NTM: variants seen among roughly 807,000 people sequenced by gnomAD.
The protein encoded by NTM is IgLON family member 2.
A neutral mutation model predicts 42.1 loss-of-function variants in NTM; 13 were observed. The ratio of observed to expected loss-of-function variants is 0.31; its 90% CI spans 0.20 to 0.49. NTM has a LOEUF of 0.49. NTM is among the 20% of genes least tolerant of loss of function. NTM has a pLI of 0.99. For missense variants in NTM, 373 were observed against 452.8 expected, an observed-to-expected ratio of 0.82 and a Z score of 1.60; for synonymous variants, 187 against 179.2, an observed-to-expected ratio of 1.04 and a Z score of -0.35.
intron 1 of NTM, among the ~76,000 whole-genome samples, chr11:131,726,445 C>G (rs1465878684): frequency 6.6e-6 from 1 of 151,220 alleles, no homozygotes; most frequent in Admixed American, 6.6e-5. Flanking sequence ...AGACACCAGC[C>G]CTTTACTCTA....
intron 1 of NTM, among the ~76,000 whole-genome samples, chr11:131,859,092 A>G (rs981720973): frequency 1.3e-5 from 2 of 151,954 alleles, no homozygotes; most frequent in Admixed American, 6.6e-5. Flanking sequence ...CCATCCATCC[A>G]TCCGTCCATC....
At chr11:131,690,681 G>A (rs1034808876) in intron 1 of NTM, among the ~76,000 whole-genome samples, 2 of 152,234 alleles carry the variant, frequency 1.3e-5, no homozygotes, top group African/African-American at 4.8e-5. Flanking sequence ...ATGGCTGGAA[G>A]CAGTGAGAAG....
intron 1 of NTM, among the ~76,000 whole-genome samples, chr11:131,479,657 A>G (rs1253172075): frequency 6.6e-6 from 1 of 152,216 alleles, no homozygotes; most frequent in East Asian, 1.9e-4. Flanking sequence ...TCTGTGGACC[A>G]AATAGAGAAC....
intron 1 of NTM, among the ~76,000 whole-genome samples, chr11:131,474,316 T>C (rs1365265121): frequency 1.3e-5 from 2 of 152,166 alleles, no homozygotes; most frequent in African/African-American, 4.8e-5. Flanking sequence ...TTCCCAGTTT[T>C]CCTCTTACAG....
At chr11:131,719,057 G>A (rs2078042036) in intron 1 of NTM, among the ~76,000 whole-genome samples, 1 of 152,010 alleles carries the variant, frequency 6.6e-6, no homozygotes, top group South Asian at 2.1e-4. Flanking sequence ...CTACAGGCAC[G>A]TGCCACCACA....
At chr11:131,791,358 T>C (rs2090908743) in intron 1 of NTM, among the ~76,000 whole-genome samples, 3 of 152,252 alleles carry the variant, frequency 2.0e-5, no homozygotes, top group African/African-American at 7.2e-5. Flanking sequence ...ACAGTATCAT[T>C]TTTGCTTGCT....
intron 3 of NTM, among the ~76,000 whole-genome samples, chr11:132,210,154 A>C (rs2082613840): frequency 6.6e-6 from 1 of 152,204 alleles, no homozygotes; most frequent in Admixed American, 6.5e-5. Context: ...GCCCGATCAC[A>C]TTGTAAGCCA....
chr11:131,591,398 T>C (rs2512874), intron 1 of NTM, among the ~76,000 whole-genome samples: 22,330 of 152,190 alleles, frequency 0.15, 4,580 homozygotes, highest in African/African-American at 0.46. Context: ...TTGGTCTATC[T>C]GCTGCTGACA....
chr11:131,587,414 C>T (rs1340098397), intron 1 of NTM, among the ~76,000 whole-genome samples: 1 of 150,962 alleles, frequency 6.6e-6, no homozygotes, highest in African/African-American at 2.4e-5. Context: ...CACCACTGCA[C>T]TCTAGCCTGG....
At chr11:132,068,708 G>T (rs2056894272) in intron 2 of NTM, among the ~76,000 whole-genome samples, 1 of 152,226 alleles carries the variant, frequency 6.6e-6, no homozygotes, top group South Asian at 2.1e-4. Flanking sequence ...ATCAAAAGGG[G>T]TGCATTGCAG....
intron 1 of NTM, among the ~76,000 whole-genome samples, chr11:131,779,800 CAGAG>C (rs1422802583): frequency 6.6e-6 from 1 of 152,146 alleles, no homozygotes; most frequent in Non-Finnish European, 1.5e-5. Context: ...AGTAATCACA[CAGAG>C]ATGTTTTTCT....
chr11:131,763,824 T>G (rs1269961460), intron 1 of NTM, among the ~76,000 whole-genome samples: 1 of 151,490 alleles, frequency 6.6e-6, no homozygotes, highest in Non-Finnish European at 1.5e-5. Context: ...AATTTATTAT[T>G]TAATTATGTA....
At chr11:132,066,369 A>G (rs1290881194) in intron 2 of NTM, among the ~76,000 whole-genome samples, 3 of 152,172 alleles carry the variant, frequency 2.0e-5, no homozygotes, top group Non-Finnish European at 4.4e-5. Context: ...CTGGATATTC[A>G]TCTGGACCCT....
intron 1 of NTM, among the ~76,000 whole-genome samples, chr11:131,684,901 G>A (rs1470995681): frequency 1.3e-5 from 2 of 152,212 alleles, no homozygotes; most frequent in African/African-American, 4.8e-5. Flanking sequence ...AAGACCAAGG[G>A]CATGAGTGAG....
At chr11:131,873,599 C>CGT (rs1565657767) in intron 1 of NTM, among the ~76,000 whole-genome samples, 2 of 100,628 alleles carry the variant, frequency 2.0e-5, no homozygotes, top group East Asian at 3.7e-4. Flanking sequence ...TATATATATA[C>CGT]ATATATATAT....
At chr11:132,208,248 G>C (rs2082285645) in intron 3 of NTM, among the ~76,000 whole-genome samples, 2 of 152,180 alleles carry the variant, frequency 1.3e-5, no homozygotes, top group Non-Finnish European at 1.5e-5. Context: ...AAGTAGTCTT[G>C]AATACTGACA....
rs773233050 is a variant in NTM, at chr11:131,521,383, C to CTTTTTTTT, written c.82+150527_82+150534dup. ...AATGCAGAAGAAGCAAGGTGCCAGT[C>CTTTTTTTT]TTTTTTTTTTTTTTTTTTTTTTTTT... On this transcript the variant is annotated intron_variant, in intron 1 of 8. Transcript: ENST00000683400. Among the ~76,000 whole-genome samples, 28 of 45,756 alleles carry CTTTTTTTT rather than the reference C, an allele frequency of 6.1e-4. 10 individuals carry two copies. The highest frequency in any genetic ancestry group is 1.3e-3 in the East Asian group (2 of 1,512). 30.0% of individuals were successfully genotyped at this position (45,756 alleles called of 152,430 possible). A position where few individuals can be genotyped will look rare whatever the true frequency, so the allele number is the denominator to read the frequency against.
rs190390690 is a variant in NTM at position 131,764,710 on chromosome 11, G to A, written c.83-146854G>A. 2.6e-5 allele frequency among the ~76,000 whole-genome samples: 4 copies of A among 152,280 alleles called. No individual in the cohort carries two copies. The East Asian group carries it at 5.8e-4, about 22-fold the overall frequency. On this transcript the variant is annotated intron_variant, in intron 1 of 8. Coordinates refer to ENST00000683400, the MANE Select transcript of NTM (RefSeq NM_001352005.2). The stretch of plus-strand genomic sequence containing the variant: ...TGCAATTACATGGGGTATAATTGAT[G>A]CCTGTTGACAGCTATGTTTTGGAGC...
chr11:132,320,027 A>C (rs2136250148), intron 7 of NTM, among the ~76,000 whole-genome samples: 2 of 152,348 alleles, frequency 1.3e-5, no homozygotes, highest in South Asian at 4.1e-4. Context: ...GACCTCTAGC[A>C]AACTCCAACA....
Sources: allele counts gnomAD v4.1 joint callset (sites outside exome capture counted in the v4.1 genomes callset), GRCh38; gene constraint gnomAD v4.1.1; transcripts MANE v1.5; gene names NCBI Gene and HGNC (gene_info 2026-07-23, HGNC 2026-07-21).